Variants in PKP1 observed in about 807,000 individuals in gnomAD.
The protein encoded by PKP1 is plakophilin 1, also known as plakophilin-1.
In PKP1, 27 loss-of-function variants were observed where a neutral mutation model predicts 76.4. That is an observed-to-expected ratio of 0.35 (90% CI 0.26 to 0.49). The LOEUF is 0.49. Ranked by LOEUF, PKP1 falls within the 20% of genes least tolerant of loss-of-function variation. The pLI, the probability that PKP1 is intolerant of heterozygous loss-of-function variation, is 0.99. For missense variants in PKP1, 964 were observed against 955.2 expected, an observed-to-expected ratio of 1.01 and a Z score of -0.12; for synonymous variants, 404 against 384.2, an observed-to-expected ratio of 1.05 and a Z score of -0.60.
In PKP1 at chr1:201,313,151, C is replaced by T. The variant is rs1281535035; in HGVS notation, c.307-15C>T. On this transcript the variant is annotated splice_polypyrimidine_tract_variant and intron_variant, in intron 2 of 13. Transcript: ENST00000367324. ...TAGGAACCTTGACTGAGCTTTTCTC[C>T]CTTTCCCTGGCCAGATCTACAATGG... 6.2e-7 allele frequency: 1 copy of T among 1,609,060 alleles called. No individual in the cohort carries two copies. Among genetic ancestry groups the T allele is most frequent in the Non-Finnish European group, 8.5e-7 (1 of 1,178,138 alleles).
At chr1:201,312,426 C>T (rs1419671220) in intron 2 of PKP1, among the ~76,000 whole-genome samples, 1 of 152,210 alleles carries the variant, frequency 6.6e-6, no homozygotes, top group Non-Finnish European at 1.5e-5. Context: ...TTGTCCTTTC[C>T]TCACCGAGTG....
intron 2 of PKP1, among the ~76,000 whole-genome samples, chr1:201,303,747 T>A (rs1656298103): frequency 6.6e-6 from 1 of 152,186 alleles, no homozygotes; most frequent in Non-Finnish European, 1.5e-5. Context: ...TGAGTTTCAA[T>A]GTTAGATATT....
At chr1:201,285,560 A>G (rs890060552) in intron 1 of PKP1, among the ~76,000 whole-genome samples, 33 of 152,086 alleles carry the variant, frequency 2.2e-4, no homozygotes, top group African/African-American at 7.7e-4. Context: ...TTGGAATAAC[A>G]AAGTGCCCCC....
intron 11 of PKP1, 120 bp from the exon 12 acceptor site, chr1:201,325,634 A>T: frequency 1.3e-6 from 1 of 775,218 alleles, no homozygotes; most frequent in Non-Finnish European, 2.3e-6. Context: ...TGCACACCTG[A>T]GGCCTCCTCT....
At chr1:201,291,485 G>A (rs951368071) in intron 1 of PKP1, among the ~76,000 whole-genome samples, 2 of 152,158 alleles carry the variant, frequency 1.3e-5, no homozygotes, top group African/African-American at 4.8e-5. Context: ...GAGGCAGGCA[G>A]GTGCAGGGTG....
At chr1:201,286,996 C>T (rs1002497880) in intron 1 of PKP1, among the ~76,000 whole-genome samples, 1 of 152,188 alleles carries the variant, frequency 6.6e-6, no homozygotes, top group Non-Finnish European at 1.5e-5. Flanking sequence ...CAGATCACAC[C>T]CAGCTCAGTG....
chr1:201,286,348 G>A (rs980851587), intron 1 of PKP1, among the ~76,000 whole-genome samples: 9 of 152,096 alleles, frequency 5.9e-5, no homozygotes, highest in Non-Finnish European at 1.0e-4. Flanking sequence ...AGTTAAGAAG[G>A]GCCAACCATA....
chr1:201,317,841 C>T (rs1571558206), intron 5 of PKP1, 62 bp downstream of exon 5: 2 of 1,493,578 alleles, frequency 1.3e-6, no homozygotes, highest in South Asian at 1.2e-5. Flanking sequence ...GGCTATGGCC[C>T]CAGGCTGGGG....
Position 201,320,254 on chromosome 1 carries a change from T to C in PKP1, c.1233-13T>C. The C allele has an allele frequency of 6.3e-7, 1 of 1,581,194 alleles. No homozygotes were observed. The highest frequency in any genetic ancestry group is 1.3e-5 in the African/African-American group (1 of 74,084). ...CCTTTCTCTGCCCTCTTCCACCCTCTTCTCTCCCCCAGGAACCTGAGCTCG... is the reference window on the plus strand; with the variant it reads ...CCTTTCTCTGCCCTCTTCCACCCTCCTCTCTCCCCCAGGAACCTGAGCTCG... On this transcript the variant is annotated splice_polypyrimidine_tract_variant and intron_variant, in intron 6 of 13. Transcript: ENST00000367324.
intron 12 of PKP1, among the ~76,000 whole-genome samples, chr1:201,326,110 C>T (rs930681529): frequency 6.6e-6 from 1 of 152,184 alleles, no homozygotes; most frequent in Admixed American, 6.5e-5. Context: ...CCTTTAGGAG[C>T]AAACTGAAAA....
At chr1:201,301,270 G>C (rs956548989) in intron 2 of PKP1, among the ~76,000 whole-genome samples, 3 of 152,198 alleles carry the variant, frequency 2.0e-5, no homozygotes, top group African/African-American at 7.2e-5. Flanking sequence ...TGTGGCAGCT[G>C]CTTAGCAAGT....
intron 2 of PKP1, among the ~76,000 whole-genome samples, chr1:201,296,117 G>C (rs1656061499): frequency 6.6e-6 from 1 of 152,180 alleles, no homozygotes; most frequent in Non-Finnish European, 1.5e-5. Context: ...CAGGGTAGCT[G>C]CTGAGGCACG....
intron 2 of PKP1, among the ~76,000 whole-genome samples, chr1:201,308,747 G>A (rs1051619109): frequency 6.6e-6 from 1 of 152,100 alleles, no homozygotes; most frequent in Non-Finnish European, 1.5e-5. Context: ...GCTGGGCTGG[G>A]GAGTTTGTCT....
At chr1:201,326,443 CT>C (rs1182190527) in intron 12 of PKP1, among the ~76,000 whole-genome samples, 9 of 152,206 alleles carry the variant, frequency 5.9e-5, no homozygotes, top group Admixed American at 1.3e-4. Flanking sequence ...GGTATAAGGT[CT>C]TGTTGTATGA....
intron 2 of PKP1, among the ~76,000 whole-genome samples, chr1:201,297,557 G>T (rs700472): frequency 0.16 from 24,817 of 152,112 alleles, 2,430 homozygotes; most frequent in East Asian, 0.24. Flanking sequence ...CTCCTTGAAG[G>T]CCACACAGCT....
intron 2 of PKP1, among the ~76,000 whole-genome samples, chr1:201,295,397 T>C (rs1656043500): frequency 6.6e-6 from 1 of 152,204 alleles, no homozygotes; most frequent in Non-Finnish European, 1.5e-5. Flanking sequence ...AATGACACTC[T>C]TAGTGCAAAA....
intron 2 of PKP1, among the ~76,000 whole-genome samples, chr1:201,294,991 A>G (rs1571542040): frequency 1.3e-5 from 2 of 152,278 alleles, no homozygotes; most frequent in South Asian, 2.1e-4. Context: ...TCGCTGATGC[A>G]ACATTAGCCT....
At chr1:201,308,331 C>A (rs1451649664) in intron 2 of PKP1, among the ~76,000 whole-genome samples, 1 of 152,224 alleles carries the variant, frequency 6.6e-6, no homozygotes, top group Non-Finnish European at 1.5e-5. Flanking sequence ...AATCTCCACC[C>A]CTAGCACAAA....
intron 2 of PKP1, among the ~76,000 whole-genome samples, chr1:201,301,487 T>C (rs1452530774): frequency 1.3e-5 from 2 of 152,146 alleles, no homozygotes; most frequent in Non-Finnish European, 1.5e-5. Context: ...GGAACACTTA[T>C]GCTTGGATGG....
Sources: allele counts gnomAD v4.1 joint callset (sites outside exome capture counted in the v4.1 genomes callset), GRCh38; gene constraint gnomAD v4.1.1; transcripts MANE v1.5; gene names NCBI Gene and HGNC (gene_info 2026-07-23, HGNC 2026-07-21).